Variants in PCDH9 observed in about 807,000 individuals in gnomAD.
The protein encoded by PCDH9 is protocadherin 9.
In PCDH9, 24 loss-of-function variants were observed where a neutral mutation model predicts 70.6. The observed-to-expected ratio is 0.34, with a 90% CI of 0.25 to 0.48. The LOEUF (loss-of-function observed/expected upper bound fraction) is 0.48, where lower values mean the gene tolerates loss of function less well. PCDH9 is among the 20% of genes least tolerant of loss of function. The probability of loss-of-function intolerance (pLI) is 0.99; values close to 1 mark genes in which losing one functional copy is unlikely to be tolerated. For synonymous variants in PCDH9, 562 were observed against 558.5 expected (o/e 1.01, Z -0.09); for missense variants, 1,281 against 1,503.6 (o/e 0.85, Z 2.45).
chr13:67,226,929 A>C lies in PCDH9; in HGVS notation c.1512T>G (p.Ile504Met), dbSNP rs531453082. The C allele has an allele frequency of 6.2e-7, 1 of 1,614,176 alleles. No individual in the cohort carries two copies. Among genetic ancestry groups the C allele is most frequent in the African/African-American group, 1.3e-5 (1 of 75,040 alleles). The change falls in exon 2 of 5, where the codon ATT (isoleucine) becomes ATG (methionine). Residue 504 changes from isoleucine to methionine, a missense_variant. Physicochemically the swap from Ile to Met is conservative, Grantham distance 10. Around this residue, in one of 4 missense-constraint regions of PCDH9, gnomAD observed 798 missense variants for 1,003.1 expected, o/e 0.80. Coordinates refer to ENST00000377865, the MANE Select transcript of PCDH9 (RefSeq NM_203487.3). This position sits in a 1 kb window ranked among gnomAD's most constrained non-coding sequence, Gnocchi z 5.0. ...AGGCATTCGGTCCAAGCTGATAAAC[A>C]ATGTCTGCATTTTTCCCACTGTCTT... is the stretch of plus-strand genomic sequence containing the variant. ...TDEDSGKNAD[I>M]VYQLGPNASF...
intron 2 of PCDH9, among the ~76,000 whole-genome samples, chr13:66,992,551 C>T (rs557601701): frequency 2.0e-5 from 3 of 152,260 alleles, no homozygotes; most frequent in East Asian, 1.9e-4. Flanking sequence ...TGTTGGAAGA[C>T]GAGCTCTTTT....
At chr13:66,476,389 C>T (rs1441532935) in intron 4 of PCDH9, among the ~76,000 whole-genome samples, 1 of 151,974 alleles carries the variant, frequency 6.6e-6, no homozygotes, top group Non-Finnish European at 1.5e-5. Flanking sequence ...AGATAAAAGA[C>T]TATTTTCTTA....
intron 2 of PCDH9, among the ~76,000 whole-genome samples, chr13:67,185,398 G>A (rs1490411904): frequency 6.6e-6 from 1 of 152,120 alleles, no homozygotes; most frequent in Non-Finnish European, 1.5e-5. Context: ...GTACTATGCT[G>A]TAACAAGTAG....
intron 2 of PCDH9, among the ~76,000 whole-genome samples, chr13:66,968,376 T>G (rs1469567625): frequency 6.6e-6 from 1 of 152,058 alleles, no homozygotes; most frequent in Non-Finnish European, 1.5e-5. Flanking sequence ...CTATTAAAGA[T>G]GCCCAAGATT....
chr13:66,858,255 G>T (rs1020641471), intron 3 of PCDH9, among the ~76,000 whole-genome samples: 2 of 152,018 alleles, frequency 1.3e-5, no homozygotes, highest in Non-Finnish European at 2.9e-5. Context: ...AAAACAATAG[G>T]ACAGTTATTT....
At chr13:66,651,207 A>G (rs2077846961) in intron 3 of PCDH9, among the ~76,000 whole-genome samples, 1 of 151,958 alleles carries the variant, frequency 6.6e-6, no homozygotes, top group Non-Finnish European at 1.5e-5. Context: ...AATGAAAAAA[A>G]GTACAATTGA....
chr13:66,693,210 GC>G (rs1270413471), intron 3 of PCDH9, among the ~76,000 whole-genome samples: 2 of 151,988 alleles, frequency 1.3e-5, no homozygotes, highest in Non-Finnish European at 2.9e-5. Context: ...ACATTTTTCT[GC>G]TTATGCCACA....
chr13:66,516,138 C>A (rs972849624), intron 4 of PCDH9, among the ~76,000 whole-genome samples: 6 of 151,796 alleles, frequency 4.0e-5, no homozygotes, highest in African/African-American at 1.5e-4. Context: ...TGTAATAATT[C>A]AATGTAATTT....
At chr13:66,690,607 C>T (rs2078469813) in intron 3 of PCDH9, among the ~76,000 whole-genome samples, 1 of 152,054 alleles carries the variant, frequency 6.6e-6, no homozygotes, top group Non-Finnish European at 1.5e-5. Context: ...CGTGGTATGT[C>T]AGAAAAGGCA....
At chr13:66,663,658 C>T (rs780462185) in intron 3 of PCDH9, among the ~76,000 whole-genome samples, 29 of 152,084 alleles carry the variant, frequency 1.9e-4, no homozygotes, top group African/African-American at 3.6e-4. Flanking sequence ...ATGAACCAGA[C>T]GCATGGAGAG....
intron 4 of PCDH9, among the ~76,000 whole-genome samples, chr13:66,370,450 T>C (rs1956627084): frequency 1.3e-5 from 2 of 151,994 alleles, no homozygotes; most frequent in Non-Finnish European, 1.5e-5. Flanking sequence ...GGACTTCTGT[T>C]GCCATAATCG....
chr13:66,374,813 T>G (rs1288413303), intron 4 of PCDH9, among the ~76,000 whole-genome samples: 1 of 152,070 alleles, frequency 6.6e-6, no homozygotes, highest in Admixed American at 6.6e-5. Flanking sequence ...ACAGAATATA[T>G]TCCTTTGTTG....
chr13:66,833,641 A>G (rs1039813249), intron 3 of PCDH9, among the ~76,000 whole-genome samples: 1 of 152,190 alleles, frequency 6.6e-6, no homozygotes, highest in African/African-American at 2.4e-5. Flanking sequence ...CTAATTTTTA[A>G]TGGGTGAATA....
At chr13:66,656,605 G>T (rs1737008729) in intron 3 of PCDH9, among the ~76,000 whole-genome samples, 1 of 149,696 alleles carries the variant, frequency 6.7e-6, no homozygotes, top group Non-Finnish European at 1.5e-5. Context: ...TACACATGTT[G>T]CTTAAGAGCA....
At chr13:67,166,660 T>G (rs2985916) in intron 2 of PCDH9, among the ~76,000 whole-genome samples, 143,440 of 152,154 alleles carry the variant, frequency 0.94, 67,831 homozygotes, top group Non-Finnish European at 0.98. Context: ...TTGAGTTTTT[T>G]ATTGTTTTGT....
intron 4 of PCDH9, among the ~76,000 whole-genome samples, chr13:66,457,731 T>A (rs1958346540): frequency 6.6e-6 from 1 of 152,038 alleles, no homozygotes; most frequent in African/African-American, 2.4e-5. Flanking sequence ...GTTGGGTCAT[T>A]TTTTATGTAA....
At chr13:66,635,132 G>T (rs966587473) in intron 3 of PCDH9, among the ~76,000 whole-genome samples, 1 of 152,026 alleles carries the variant, frequency 6.6e-6, no homozygotes, top group Admixed American at 6.6e-5. Context: ...GGCTGAAGAG[G>T]GACAACACAT....
At chr13:67,060,962 TG>T in intron 2 of PCDH9, among the ~76,000 whole-genome samples, 1 of 152,122 alleles carries the variant, frequency 6.6e-6, no homozygotes, top group East Asian at 1.9e-4. Flanking sequence ...AATTCTGGTT[TG>T]TCCTATTTTT....
chr13:66,979,100 T>C (rs2083684847), intron 2 of PCDH9, among the ~76,000 whole-genome samples: 1 of 152,066 alleles, frequency 6.6e-6, no homozygotes, highest in African/African-American at 2.4e-5. Flanking sequence ...TTTCGACAAG[T>C]TATAAGTGTT....
Sources: gnomAD v4.1 joint callset for allele counts (sites outside exome capture counted in the v4.1 genomes callset) on GRCh38, gnomAD v4.1.1 for gene constraint, gnomAD v4.1.1 regional missense constraint, Gnocchi (gnomAD v3.1) non-coding constraint, MANE v1.5 for transcripts, NCBI Gene and HGNC (gene_info 2026-07-23, HGNC 2026-07-21) for gene names.